The following B3GAT2 variants were observed in gnomAD, a reference collection of about 807,000 sequenced individuals.
The protein encoded by B3GAT2 is galactosylgalactosylxylosylprotein 3-beta-glucuronosyltransferase 2.
B3GAT2 carries 26 observed loss-of-function variants against 27.8 expected under a neutral mutation model. The observed-to-expected ratio is 0.93, with a 90% CI of 0.68 to 1.30. B3GAT2 has a LOEUF of 1.30. Among genes scored for constraint, B3GAT2 ranks in the 50% most tolerant of loss-of-function variants. The pLI is 0.00. For synonymous variants in B3GAT2, 218 were observed against 195.1 expected, an observed-to-expected ratio of 1.12 and a Z score of -0.98; for missense variants, 458 against 459.0, an observed-to-expected ratio of 1.00 and a Z score of 0.02.
At chr6:70,944,939 C>T (rs1450440531) in intron 1 of B3GAT2, among the ~76,000 whole-genome samples, 1 of 152,136 alleles carries the variant, frequency 6.6e-6, no homozygotes, top group African/African-American at 2.4e-5. Context: ...CTGCAGCCAC[C>T]GCTGCTGATA....
chr6:70,954,342 T>C (rs942064823), intron 1 of B3GAT2, among the ~76,000 whole-genome samples: 1 of 152,144 alleles, frequency 6.6e-6, no homozygotes, highest in Admixed American at 6.5e-5. Context: ...ATTTATTCAT[T>C]TGGAGAAACG....
At chr6:70,927,167 C>T (rs1232377518) in intron 1 of B3GAT2, among the ~76,000 whole-genome samples, 4 of 152,290 alleles carry the variant, frequency 2.6e-5, no homozygotes, top group Non-Finnish European at 5.9e-5. Flanking sequence ...ACAAGAGCTC[C>T]TGAAGGAAGA....
intron 1 of B3GAT2, among the ~76,000 whole-genome samples, chr6:70,932,530 A>G (rs1773077890): frequency 6.6e-6 from 1 of 152,228 alleles, no homozygotes; most frequent in Non-Finnish European, 1.5e-5. Flanking sequence ...AAGTGAAATA[A>G]ACCAGACACA....
chr6:70,884,379 CT>C (rs1421607790), intron 2 of B3GAT2, among the ~76,000 whole-genome samples: 2 of 152,094 alleles, frequency 1.3e-5, no homozygotes, highest in African/African-American at 4.8e-5. Flanking sequence ...TTTGATAATC[CT>C]TACACTAGAA....
rs565358590 is a variant in B3GAT2, at chr6:70,862,647, A to T, written c.737-669T>A. Among the ~76,000 whole-genome samples the T allele has an allele frequency of 2.6e-5, 4 of 152,270 alleles. No individual in the cohort carries two copies. In the South Asian group the frequency reaches 8.3e-4, roughly 32 times the overall value. ...TATTTCATTTACCAAAAATAAGTGTAAATTTTCTTCAATGGTTTGGTCATA... is the reference window on the plus strand; with the variant it reads ...TATTTCATTTACCAAAAATAAGTGTTAATTTTCTTCAATGGTTTGGTCATA... On this transcript the variant is annotated intron_variant, in intron 2 of 3. Transcript: ENST00000230053.
intron 2 of B3GAT2, among the ~76,000 whole-genome samples, chr6:70,882,256 C>G (rs779110509): frequency 6.6e-6 from 1 of 152,164 alleles, no homozygotes; most frequent in Non-Finnish European, 1.5e-5. Flanking sequence ...AATCCCAGCA[C>G]TTTGGGAGGT....
chr6:70,933,332 A>T (rs1271823645), intron 1 of B3GAT2, among the ~76,000 whole-genome samples: 1 of 152,194 alleles, frequency 6.6e-6, no homozygotes, highest in Non-Finnish European at 1.5e-5. Flanking sequence ...TCTTATCAGT[A>T]TACAAAGCAG....
intron 1 of B3GAT2, among the ~76,000 whole-genome samples, chr6:70,927,252 G>A (rs1327212862): frequency 6.6e-6 from 1 of 152,184 alleles, no homozygotes; most frequent in Non-Finnish European, 1.5e-5. Flanking sequence ...TCGATGCTAT[G>A]AAGAAACTGC....
In B3GAT2 at chr6:70,944,296, G is replaced by C. The variant is rs57213464; in HGVS notation, c.591+11543C>G. On this transcript the variant is annotated intron_variant, in intron 1 of 3. Coordinates refer to ENST00000230053, the MANE Select transcript of B3GAT2 (RefSeq NM_080742.3). ...GCATTGCCTCACTCGGGAAGCGCAA[G>C]GGGTCAGGGAGTTCCCTTTCCTAGT... Among the ~76,000 whole-genome samples the C allele has an allele frequency of 1.4e-3, 212 of 152,278 alleles. 1 individual carries two copies. The highest frequency in any genetic ancestry group is 4.9e-3 in the African/African-American group (204 of 41,572).
chr6:70,919,827 T>C (rs909500631), intron 1 of B3GAT2, among the ~76,000 whole-genome samples: 2 of 152,190 alleles, frequency 1.3e-5, no homozygotes, highest in South Asian at 4.2e-4. Flanking sequence ...TACTGGGAGG[T>C]ATCCCCCAAT....
At chr6:70,899,046 C>T (rs190052517) in intron 1 of B3GAT2, among the ~76,000 whole-genome samples, 4 of 151,894 alleles carry the variant, frequency 2.6e-5, no homozygotes, top group Non-Finnish European at 5.9e-5. Context: ...CCACATGTAA[C>T]AAGAAATCAC....
chr6:70,925,502 C>T (rs1232925266), intron 1 of B3GAT2, among the ~76,000 whole-genome samples: 1 of 152,232 alleles, frequency 6.6e-6, no homozygotes, highest in East Asian at 1.9e-4. Flanking sequence ...GATTATAACC[C>T]GTGCCTGGCT....
intron 1 of B3GAT2, among the ~76,000 whole-genome samples, chr6:70,917,985 T>A (rs1772802408): frequency 6.6e-6 from 1 of 152,112 alleles, no homozygotes; most frequent in Non-Finnish European, 1.5e-5. Context: ...CCATCTAATA[T>A]TGACAGTGGG....
At chr6:70,875,835 T>G (rs551448778) in intron 2 of B3GAT2, among the ~76,000 whole-genome samples, 2 of 152,328 alleles carry the variant, frequency 1.3e-5, no homozygotes, top group South Asian at 2.1e-4. Flanking sequence ...TTCCAAGAAG[T>G]GTTCTTTATT....
intron 1 of B3GAT2, among the ~76,000 whole-genome samples, chr6:70,908,533 T>C (rs1033600111): frequency 3.3e-5 from 5 of 152,196 alleles, no homozygotes; most frequent in Non-Finnish European, 7.3e-5. Flanking sequence ...ACTAGAGGTA[T>C]ACATAGCAAT....
At chr6:70,909,678 T>C (rs909625910) in intron 1 of B3GAT2, among the ~76,000 whole-genome samples, 13 of 152,204 alleles carry the variant, frequency 8.5e-5, no homozygotes, top group African/African-American at 3.1e-4. Context: ...TGTGTATTTA[T>C]GCTGATATCT....
intron 1 of B3GAT2, among the ~76,000 whole-genome samples, chr6:70,951,986 A>T (rs7765509): frequency 0.71 from 108,534 of 151,988 alleles, 39,065 homozygotes; most frequent in African/African-American, 0.77. Flanking sequence ...AGGAAACATA[A>T]ATAGAAGTAC....
intron 2 of B3GAT2, among the ~76,000 whole-genome samples, chr6:70,882,986 T>G (rs1562217511): frequency 6.6e-6 from 1 of 152,188 alleles, no homozygotes; most frequent in Non-Finnish European, 1.5e-5. Flanking sequence ...ACGAAGCACA[T>G]GAAGTGCAAA....
At chr6:70,868,986 G>A (rs933513865) in intron 2 of B3GAT2, among the ~76,000 whole-genome samples, 12 of 152,170 alleles carry the variant, frequency 7.9e-5, no homozygotes, top group African/African-American at 2.9e-4. Context: ...CCTTTTATAT[G>A]GTATGATTAA....
Sources: allele counts gnomAD v4.1 joint callset (sites outside exome capture counted in the v4.1 genomes callset), GRCh38; gene constraint gnomAD v4.1.1; transcripts MANE v1.5; gene names NCBI Gene and HGNC (gene_info 2026-07-23, HGNC 2026-07-21).